The following NECAB1 variants were observed in gnomAD, a reference collection of about 807,000 sequenced individuals.
NECAB1 encodes the protein N-terminal EF-hand calcium-binding protein 1.
A neutral mutation model predicts 57.5 loss-of-function variants in NECAB1; 29 were observed. The ratio of observed to expected loss-of-function variants is 0.50; its 90% CI spans 0.38 to 0.69. The LOEUF (loss-of-function observed/expected upper bound fraction) is 0.69. Ranked by LOEUF, NECAB1 falls within the 30% of genes least tolerant of loss-of-function variation. The pLI is 0.00. For missense variants in NECAB1, 372 were observed against 413.8 expected (o/e 0.90, Z 0.88); for synonymous variants, 142 against 147.7 (o/e 0.96, Z 0.28).
chr8:90,923,679 A>G (rs546575721), intron 6 of NECAB1, among the ~76,000 whole-genome samples: 1 of 152,390 alleles, frequency 6.6e-6, no homozygotes, highest in African/African-American at 2.4e-5. Context: ...AAAGTTTTCA[A>G]TACCTTCAAA....
chr8:90,840,632 C>A (rs968470646), intron 3 of NECAB1, among the ~76,000 whole-genome samples: 1 of 152,116 alleles, frequency 6.6e-6, no homozygotes, highest in Admixed American at 6.5e-5. Context: ...ATTGTAAAAA[C>A]GTATGAGCAA....
chr8:90,826,454 T>C (rs1812226364), intron 3 of NECAB1, among the ~76,000 whole-genome samples: 1 of 151,910 alleles, frequency 6.6e-6, no homozygotes, highest in Non-Finnish European at 1.5e-5. Flanking sequence ...GAAGAATGTT[T>C]ATTCGTGAAA....
At chr8:90,884,981 A>G (rs1253213811) in intron 5 of NECAB1, among the ~76,000 whole-genome samples, 4 of 152,192 alleles carry the variant, frequency 2.6e-5, no homozygotes, top group Admixed American at 6.5e-5. Context: ...AAGGAGGAAC[A>G]TATTCTCTCA....
chr8:90,815,836 T>G (rs1587837), intron 2 of NECAB1, among the ~76,000 whole-genome samples: 60,183 of 151,734 alleles, frequency 0.4, 13,027 homozygotes, highest in East Asian at 0.81. Context: ...ATAAAATAAT[T>G]TGTTTCCCAT....
intron 12 of NECAB1, among the ~76,000 whole-genome samples, chr8:90,954,243 C>T (rs1586155008): frequency 2.6e-5 from 4 of 151,860 alleles, no homozygotes; most frequent in East Asian, 1.9e-4. Flanking sequence ...GGTAAGATTG[C>T]TTTTTATGGT....
chr8:90,804,692 CTAT>C (rs1406040677), intron 2 of NECAB1, among the ~76,000 whole-genome samples: 1 of 152,136 alleles, frequency 6.6e-6, no homozygotes, highest in Non-Finnish European at 1.5e-5. Context: ...ATGTTCTGCT[CTAT>C]TATTTCTCTC....
chr8:90,950,910 T>C (rs1366515329), intron 11 of NECAB1, among the ~76,000 whole-genome samples: 3 of 152,158 alleles, frequency 2.0e-5, no homozygotes, highest in Non-Finnish European at 4.4e-5. Context: ...AAAACCTTTT[T>C]AAAAAAGTTT....
At chr8:90,832,972 TTCTC>T (rs761542006) in intron 3 of NECAB1, among the ~76,000 whole-genome samples, 25 of 152,294 alleles carry the variant, frequency 1.6e-4, no homozygotes, top group South Asian at 4.1e-4. Context: ...AGATGGTTAA[TTCTC>T]TCTAACAGTA....
intron 10 of NECAB1, 46 bp downstream of exon 10, chr8:90,940,944 A>G: frequency 7.2e-7 from 1 of 1,389,154 alleles, no homozygotes; most frequent in African/African-American, 1.4e-5. Flanking sequence ...CAGCCTGGGA[A>G]TACAGTGAAG....
Position 90,928,217 on chromosome 8 carries a change from C to T in NECAB1, c.617-6C>T, listed in dbSNP as rs1810324500. On this transcript the variant is annotated splice_polypyrimidine_tract_variant and splice_region_variant and intron_variant, in intron 7 of 12. Coordinates refer to ENST00000417640, the MANE Select transcript of NECAB1 (RefSeq NM_022351.5). ...ATATTGCCCTCATGATTCCCCCTGG[C>T]CCCAGGCTTATTAGAAGAAGACAAC... is the stretch of plus-strand genomic sequence containing the variant. The T allele has an allele frequency of 1.2e-6, 2 of 1,601,402 alleles. No homozygotes were observed. Among genetic ancestry groups the T allele is most frequent in the Non-Finnish European group, 8.5e-7 (1 of 1,171,464 alleles).
intron 3 of NECAB1, among the ~76,000 whole-genome samples, chr8:90,864,151 A>T (rs1033018241): frequency 5.3e-5 from 8 of 152,076 alleles, no homozygotes; most frequent in African/African-American, 1.9e-4. Context: ...ATCTGGCAGG[A>T]ATTGGAAATG....
intron 9 of NECAB1, among the ~76,000 whole-genome samples, chr8:90,935,838 A>C (rs2130216867): frequency 6.6e-6 from 1 of 152,302 alleles, no homozygotes; most frequent in East Asian, 1.9e-4. Flanking sequence ...ATCAACACAC[A>C]AAACATTACT....
At chr8:90,800,643 A>G (rs1811744352) in intron 1 of NECAB1, among the ~76,000 whole-genome samples, 2 of 152,198 alleles carry the variant, frequency 1.3e-5, no homozygotes, top group African/African-American at 2.4e-5. Context: ...GGAGGACACA[A>G]TTCAACCTAC....
At chr8:90,930,735 T>C (rs920895537) in intron 8 of NECAB1, among the ~76,000 whole-genome samples, 7 of 152,204 alleles carry the variant, frequency 4.6e-5, no homozygotes, top group African/African-American at 1.7e-4. Flanking sequence ...TCAACTTTCC[T>C]CCTTTCTTAT....
At chr8:90,898,640 A>G (rs1160329) in intron 5 of NECAB1, among the ~76,000 whole-genome samples, 80,250 of 152,036 alleles carry the variant, frequency 0.53, 24,708 homozygotes, top group African/African-American at 0.83. Context: ...AGTATCTCAT[A>G]CCCATCTGTC....
chr8:90,958,451 T>C lies in NECAB1; in HGVS notation c.*2939T>C, dbSNP rs574314560. 6.6e-6 allele frequency: 1 copy of C among 151,604 alleles called. No homozygotes were observed. Among genetic ancestry groups the C allele is most frequent in the Non-Finnish European group, 1.5e-5 (1 of 67,710 alleles). The allele number at this position is 151,604 out of a possible 1,614,324, so 9.4% of individuals were successfully genotyped here. ...ATCAAAAACCTAGAGACCAATCATATATCTGAAAAGAAATACCCATTAAAA... is the reference window on the plus strand; with the variant it reads ...ATCAAAAACCTAGAGACCAATCATACATCTGAAAAGAAATACCCATTAAAA... On this transcript the variant is annotated 3_prime_UTR_variant, in exon 13 of 13. Transcript: ENST00000417640.
In NECAB1 at chr8:90,791,854, C is replaced by T; in HGVS notation, c.-33C>T. On this transcript the variant is annotated 5_prime_UTR_variant, in exon 1 of 13. Coordinates refer to ENST00000417640, the MANE Select transcript of NECAB1 (RefSeq NM_022351.5). ...CCAGAGCCGGTGCGTCCGCCTAGCC[C>T]CGCTCCGCCTGAGGCCGTCAGGGCT... 6.6e-7 allele frequency: 1 copy of T among 1,525,682 alleles called. No homozygotes were observed. Among genetic ancestry groups the T allele is most frequent in the East Asian group, 2.5e-5 (1 of 40,758 alleles). The allele number at this position is 1,525,682 out of a possible 1,614,324, so 94.5% of individuals were successfully genotyped here. A position where few individuals can be genotyped will look rare whatever the true frequency, so the allele number is the denominator to read the frequency against.
intron 2 of NECAB1, among the ~76,000 whole-genome samples, chr8:90,812,132 G>A (rs1005841996): frequency 1.3e-5 from 2 of 152,192 alleles, no homozygotes; most frequent in African/African-American, 2.4e-5. Flanking sequence ...ATTATCCAGT[G>A]AGAATGCAGG....
chr8:90,797,462 C>T (rs1811681774), intron 1 of NECAB1, among the ~76,000 whole-genome samples: 2 of 152,210 alleles, frequency 1.3e-5, no homozygotes, highest in South Asian at 2.1e-4. Context: ...GTAAAACAGA[C>T]AACTTGGGAA....
Sources: allele counts gnomAD v4.1 joint callset (sites outside exome capture counted in the v4.1 genomes callset), GRCh38; gene constraint gnomAD v4.1.1; transcripts MANE v1.5; gene names NCBI Gene and HGNC (gene_info 2026-07-23, HGNC 2026-07-21).